The following STK39 variants were observed in gnomAD, a reference collection of about 807,000 sequenced individuals.
STK39 encodes the protein serine/threonine kinase 39.
A neutral mutation model predicts 77.8 loss-of-function variants in STK39; 20 were observed. That is an observed-to-expected ratio of 0.26 (90% CI 0.18 to 0.37). The LOEUF (loss-of-function observed/expected upper bound fraction) is 0.37, where lower values mean the gene tolerates loss of function less well. STK39 is among the 10% of genes least tolerant of loss of function. The pLI, the probability that STK39 is intolerant of heterozygous loss-of-function variation, is 1.00. For synonymous variants in STK39, 246 were observed against 234.1 expected, an observed-to-expected ratio of 1.05 and a Z score of -0.47; for missense variants, 479 against 656.5, an observed-to-expected ratio of 0.73 and a Z score of 2.95.
chr2:168,118,253 A>C (rs1331480387), intron 10 of STK39, among the ~76,000 whole-genome samples: 1 of 152,140 alleles, frequency 6.6e-6, no homozygotes, highest in Non-Finnish European at 1.5e-5. Flanking sequence ...AAAAGTTAGC[A>C]AATTTCCCAA....
intron 1 of STK39, among the ~76,000 whole-genome samples, chr2:168,231,142 T>C (rs1026542092): frequency 3.3e-5 from 5 of 152,236 alleles, no homozygotes; most frequent in African/African-American, 1.2e-4. Context: ...AAACTGATGG[T>C]AAACAACTAA....
intron 2 of STK39, among the ~76,000 whole-genome samples, chr2:168,180,440 T>TA (rs1307446591): frequency 6.6e-6 from 1 of 151,458 alleles, no homozygotes; most frequent in Non-Finnish European, 1.5e-5. Context: ...CACTCCAAAT[T>TA]TTTTTTTTAA....
At chr2:168,140,461 G>T in intron 6 of STK39, 71 bp from the exon 7 acceptor site, 1 of 1,381,632 alleles carries the variant, frequency 7.2e-7, no homozygotes, top group Non-Finnish European at 1.0e-6. Context: ...TCCATGTCAT[G>T]TCAGAAATCC....
rs184868990 is a variant in STK39, at chr2:168,110,429, G to A, written c.1089+19112C>T. Among the ~76,000 whole-genome samples the A allele has an allele frequency of 1.2e-3, 190 of 152,020 alleles. 1 individual carries two copies. The highest frequency in any genetic ancestry group is 4.1e-3 in the African/African-American group (168 of 41,454). ...TTATTTTTATTTTTTGTAGAGATGC[G>A]GTCTCGCTATGTTGCCCAGGGTAGT... On this transcript the variant is annotated intron_variant, in intron 10 of 17. Coordinates refer to ENST00000355999, the MANE Select transcript of STK39 (RefSeq NM_013233.3).
intron 2 of STK39, among the ~76,000 whole-genome samples, chr2:168,168,281 T>C (rs1196823481): frequency 1.3e-5 from 2 of 152,220 alleles, no homozygotes; most frequent in Non-Finnish European, 2.9e-5. Flanking sequence ...CACATTTTTC[T>C]GGAATATTCA....
chr2:168,040,580 A>C (rs1685077456), intron 14 of STK39, among the ~76,000 whole-genome samples: 1 of 152,226 alleles, frequency 6.6e-6, no homozygotes, highest in South Asian at 2.1e-4. Flanking sequence ...ACAGTTCAAA[A>C]CATGAAATCC....
chr2:167,974,916 A>G (rs67263034), intron 16 of STK39, among the ~76,000 whole-genome samples: 23,392 of 152,188 alleles, frequency 0.15, 2,318 homozygotes, highest in East Asian at 0.43. Flanking sequence ...AAGTAGAACA[A>G]AAATTGATTT....
intron 1 of STK39, among the ~76,000 whole-genome samples, chr2:168,199,687 G>T (rs1559143156): frequency 1.3e-5 from 2 of 152,066 alleles, no homozygotes; most frequent in Non-Finnish European, 2.9e-5. Context: ...GATAATTTTT[G>T]TGTTTTTAGT....
chr2:168,188,219 G>A (rs1689255608), intron 1 of STK39, among the ~76,000 whole-genome samples: 1 of 152,146 alleles, frequency 6.6e-6, no homozygotes, highest in South Asian at 2.1e-4. Context: ...AAAGCCCACA[G>A]GCCAGTCAGT....
At chr2:168,005,780 G>A (rs1468834390) in intron 16 of STK39, among the ~76,000 whole-genome samples, 1 of 152,192 alleles carries the variant, frequency 6.6e-6, no homozygotes, top group Non-Finnish European at 1.5e-5. Flanking sequence ...GGAGTGGGGT[G>A]TCAGGCAGCA....
At chr2:168,101,165 C>G (rs866288496) in intron 10 of STK39, among the ~76,000 whole-genome samples, 15 of 152,024 alleles carry the variant, frequency 9.9e-5, no homozygotes, top group Admixed American at 7.2e-4. Flanking sequence ...AATGAGAACA[C>G]TTGGACACAG....
rs529525295 is a variant in STK39, at chr2:168,202,214, T to C, written c.209-20124A>G. Among the ~76,000 whole-genome samples, 5 of 152,332 alleles carry C rather than the reference T, an allele frequency of 3.3e-5. 1 individual carries two copies. Among genetic ancestry groups the C allele is most frequent in the African/African-American group, 1.2e-4 (5 of 41,580 alleles). ...TGTCTAGGGATGCAACCTGAGGACA[T>C]ACAAGTATAACAAGCTCCCAGGAAC... On this transcript the variant is annotated intron_variant, in intron 1 of 17. Coordinates refer to ENST00000355999, the MANE Select transcript of STK39 (RefSeq NM_013233.3).
At chr2:168,119,139 G>C (rs1430583561) in intron 10 of STK39, among the ~76,000 whole-genome samples, 1 of 152,174 alleles carries the variant, frequency 6.6e-6, no homozygotes, top group Admixed American at 6.5e-5. Flanking sequence ...GGTTTTAAGC[G>C]AGAGGATGGG....
chr2:167,999,556 G>T (rs1291935440), intron 16 of STK39, among the ~76,000 whole-genome samples: 2 of 151,924 alleles, frequency 1.3e-5, no homozygotes, highest in East Asian at 3.9e-4. Flanking sequence ...CTGCCTCCTG[G>T]GTTCACGCCA....
Position 168,138,072 on chromosome 2 carries a change from A to G in STK39, c.974+16T>C, listed in dbSNP as rs757823523. On this transcript the variant is annotated intron_variant, in intron 8 of 17. Transcript: ENST00000355999. ...CTCAAACCAGGTCATTAACTCATCCACTAAGTTTCACTTACCTTTTGGAAG... is the reference window on the plus strand; with the variant it reads ...CTCAAACCAGGTCATTAACTCATCCGCTAAGTTTCACTTACCTTTTGGAAG... 3.7e-6 allele frequency: 6 copies of G among 1,612,040 alleles called. No individual in the cohort carries two copies.
chr2:168,074,740 A>G (rs1337026165), intron 12 of STK39, among the ~76,000 whole-genome samples: 9 of 152,198 alleles, frequency 5.9e-5, no homozygotes, highest in Non-Finnish European at 8.8e-5. Flanking sequence ...CGACTTTCTT[A>G]TAAGTACTGG....
chr2:168,022,143 C>T (rs1559061233), intron 14 of STK39, among the ~76,000 whole-genome samples: 1 of 152,072 alleles, frequency 6.6e-6, no homozygotes, highest in East Asian at 1.9e-4. Flanking sequence ...ATGCTACAGC[C>T]TTTTTTCACC....
chr2:168,069,600 A>C (rs1685886786), intron 12 of STK39, among the ~76,000 whole-genome samples: 1 of 152,232 alleles, frequency 6.6e-6, no homozygotes, highest in African/African-American at 2.4e-5. Context: ...ATTTAAAACA[A>C]ATCTTCAGGA....
At chr2:168,165,733 T>C (rs1451437246) in intron 3 of STK39, among the ~76,000 whole-genome samples, 2 of 151,682 alleles carry the variant, frequency 1.3e-5, no homozygotes, top group Admixed American at 6.6e-5. Context: ...CCAATTACAA[T>C]GCCTTCGTCA....
Sources: gnomAD v4.1 joint callset for allele counts (sites outside exome capture counted in the v4.1 genomes callset) on GRCh38, gnomAD v4.1.1 for gene constraint, MANE v1.5 for transcripts, NCBI Gene and HGNC (gene_info 2026-07-23, HGNC 2026-07-21) for gene names.